Variants in GSTT4 observed in about 807,000 individuals in gnomAD.
The protein encoded by GSTT4 is glutathione S-transferase theta 4.
At chr22:23,992,822 G>A in the GSTT4 span, among the ~76,000 whole-genome samples, 9 of 150,800 alleles carry the variant, frequency 6.0e-5, no homozygotes, top group African/African-American at 2.2e-4. Flanking sequence ...TGCCCAGGCT[G>A]GAATGAGTGC....
intron 4 of GSTT4, 36 bp downstream of exon 4, chr22:24,000,038 TG>T (rs2034191218): frequency 6.4e-6 from 1 of 155,358 alleles, no homozygotes; most frequent in African/African-American, 2.4e-5. Flanking sequence ...GTCCTACCTC[TG>T]CCCAGGGTCT....
intron 2 of GSTT4, among the ~76,000 whole-genome samples, chr22:24,002,674 C>CA (rs2034258709): frequency 6.6e-6 from 1 of 151,526 alleles, no homozygotes; most frequent in Non-Finnish European, 1.5e-5. Flanking sequence ...ACTAAAAATA[C>CA]AAAAAAATTA....
downstream of GSTT4, among the ~76,000 whole-genome samples, chr22:23,997,767 G>A (rs2034131442): frequency 6.6e-6 from 1 of 152,160 alleles, no homozygotes; most frequent in African/African-American, 2.4e-5. Flanking sequence ...TTAGGTTATT[G>A]ATTCAAGATC....
chr22:24,003,623 C>A (rs967823005), intron 2 of GSTT4, 137 bp downstream of exon 2: 25 of 154,038 alleles, frequency 1.6e-4, no homozygotes, highest in Middle Eastern at 8.2e-4. Context: ...TGGGGTTCCT[C>A]GTGTCCCTCA....
At chr22:23,997,544 T>TA (rs2034129041), downstream of GSTT4, among the ~76,000 whole-genome samples, 1 of 152,144 alleles carries the variant, frequency 6.6e-6, no homozygotes, top group African/African-American at 2.4e-5. Flanking sequence ...TCTTGGTGAA[T>TA]AATTTGACCC....
At chr22:23,994,387 C>G (rs1244420471), downstream of GSTT4, among the ~76,000 whole-genome samples, 1 of 152,032 alleles carries the variant, frequency 6.6e-6, no homozygotes, top group Non-Finnish European at 1.5e-5. Flanking sequence ...AAAAGAAACT[C>G]TGTACCCAAT....
downstream of GSTT4, among the ~76,000 whole-genome samples, chr22:23,997,287 G>T (rs1273250842): frequency 6.6e-6 from 1 of 151,940 alleles, no homozygotes; most frequent in Non-Finnish European, 1.5e-5. Flanking sequence ...TGCAATCATA[G>T]CTCGGTGTAA....
chr22:23,989,600 C>A, the GSTT4 span, among the ~76,000 whole-genome samples: 1 of 149,042 alleles, frequency 6.7e-6, no homozygotes, highest in South Asian at 2.3e-4. Context: ...TGTCAATACC[C>A]CAGAGTCCCA....
At chr22:23,992,221 G>GCTGGGGTA in the GSTT4 span, among the ~76,000 whole-genome samples, 1 of 140,062 alleles carries the variant, frequency 7.1e-6, no homozygotes, top group Middle Eastern at 3.3e-3. Flanking sequence ...CTCCCCAGTT[G>GCTGGGGTA]CTGGGGTCAT....
chr22:23,992,052 C>CAAGAAAAAA, the GSTT4 span, among the ~76,000 whole-genome samples: 1 of 71,188 alleles, frequency 1.4e-5, no homozygotes, highest in Admixed American at 1.9e-4. Context: ...TACTCCGTCT[C>CAAGAAAAAA]AAAAAAAAAA....
chr22:24,003,276 G>A (rs1387267502), intron 2 of GSTT4, among the ~76,000 whole-genome samples: 7,903 of 65,196 alleles, frequency 0.12, no homozygotes, highest in Middle Eastern at 0.21. Flanking sequence ...CAACGACGCA[G>A]TCTTGGCTCA....
chr22:23,990,453 CAA>C, the GSTT4 span, among the ~76,000 whole-genome samples: 1 of 29,992 alleles, frequency 3.3e-5, no homozygotes, highest in Non-Finnish European at 5.8e-5. Context: ...CTACACACAC[CAA>C]AAAAAAAAAA....
At chr22:24,002,921 G>A (rs575868231) in intron 2 of GSTT4, among the ~76,000 whole-genome samples, 2 of 152,294 alleles carry the variant, frequency 1.3e-5, no homozygotes, top group East Asian at 1.9e-4. Flanking sequence ...TTTTGAACAG[G>A]AGCCACATAT....
the GSTT4 span, among the ~76,000 whole-genome samples, chr22:23,989,920 C>A: frequency 2.6e-5 from 4 of 151,128 alleles, no homozygotes; most frequent in Non-Finnish European, 5.9e-5. Flanking sequence ...GCCCATTCTC[C>A]CTCCACAGAC....
rs2034148877 is a variant in GSTT4 at position 23,998,461 on chromosome 22, T to TTTTTTTTTTTTTTTTC, written c.*80_*81insGAAAAAAAAAAAAAAA. 2.6e-5 allele frequency: 1 copy of TTTTTTTTTTTTTTTTC among 38,560 alleles called. No homozygotes were observed. 2.4% of individuals were successfully genotyped at this position (38,560 alleles called of 1,614,324 possible). On this transcript the variant is annotated 3_prime_UTR_variant, in exon 5 of 5. Transcript: ENST00000621179. ...AGTTGTTTTTTTGTTTTTTTGTTTT[T>TTTTTTTTTTTTTTTTC]TTTTTTTTAACATTTCCTTTAAGGA...
intron 2 of GSTT4, among the ~76,000 whole-genome samples, 168 bp downstream of exon 2, chr22:24,003,592 C>G (rs2034284909): frequency 6.6e-6 from 1 of 152,274 alleles, no homozygotes; most frequent in African/African-American, 2.4e-5. Flanking sequence ...TGGCAAGAGT[C>G]AGAGCTGGGC....
intron 2 of GSTT4, among the ~76,000 whole-genome samples, chr22:24,002,088 G>A (rs2034242658): frequency 6.6e-6 from 1 of 152,280 alleles, no homozygotes; most frequent in Admixed American, 6.5e-5. Flanking sequence ...CTGGAAGAAG[G>A]GTGGGGGTGA....
downstream of GSTT4, among the ~76,000 whole-genome samples, chr22:23,997,272 A>G (rs1389335642): frequency 6.6e-6 from 1 of 151,928 alleles, no homozygotes; most frequent in Non-Finnish European, 1.5e-5. Flanking sequence ...GCTGGAGTGC[A>G]GTGGTGCAAT....
At chr22:24,003,603 G>T (rs1225489163) in intron 2 of GSTT4, among the ~76,000 whole-genome samples, 157 bp downstream of exon 2, 1 of 152,278 alleles carries the variant, frequency 6.6e-6, no homozygotes, top group Non-Finnish European at 1.5e-5. Context: ...AGAGCTGGGC[G>T]ATGGATTTGT....
Sources: allele counts gnomAD v4.1 joint callset (sites outside exome capture counted in the v4.1 genomes callset), GRCh38; gene constraint gnomAD v4.1.1; transcripts MANE v1.5; gene names NCBI Gene and HGNC (gene_info 2026-07-23, HGNC 2026-07-21).